ABCA9: variants seen among roughly 807,000 people sequenced by gnomAD.
The protein encoded by ABCA9 is ATP binding cassette subfamily A member 9.
ABCA9 carries 183 observed loss-of-function variants against 205.3 expected under a neutral mutation model. That is an observed-to-expected ratio of 0.89 (90% CI 0.79 to 1.01). The LOEUF is 1.01. ABCA9 is among the 50% of genes least tolerant of loss of function. ABCA9 has a pLI of 0.00. For missense variants in ABCA9, 1,805 were observed against 1,912.4 expected (o/e 0.94, Z 1.05); for synonymous variants, 651 against 683.3 (o/e 0.95, Z 0.74).
Position 68,984,962 on chromosome 17 carries a change from G to T in ABCA9, c.4302C>A (p.Ser1434Arg), listed in dbSNP as rs2069180373. The T allele has an allele frequency of 6.2e-7, 1 of 1,614,058 alleles. No individual in the cohort carries two copies. Among genetic ancestry groups the T allele is most frequent in the Admixed American group, 1.7e-5 (1 of 60,008 alleles). The change falls in exon 34 of 39, where the codon AGC (serine) becomes AGA (arginine). Residue 1434 changes from serine to arginine, a missense_variant. By Grantham distance (110) the Ser-to-Arg change is moderately radical. Transcript: ENST00000340001. ...GCACCACTGACGGGTTCCCCAGGATGCTCAGCACAAAGCACAGCTGCAACG... is the reference window on the plus strand; with the variant it reads ...GCACCACTGACGGGTTCCCCAGGATTCTCAGCACAAAGCACAGCTGCAACG... Reference protein sequence around the residue: ...GIKRKLCFVLSILGNPSVVLL... With the variant: ...GIKRKLCFVLRILGNPSVVLL...
intron 19 of ABCA9, 61 bp downstream of exon 19, chr17:69,020,327 G>T (rs1361078697): frequency 1.4e-6 from 2 of 1,441,014 alleles, no homozygotes; most frequent in South Asian, 1.3e-5. Flanking sequence ...TTTATGTTTT[G>T]CTCTCTTAAA....
chr17:68,989,893 T>A lies in ABCA9; in HGVS notation c.3875A>T (p.Tyr1292Phe). ...VIIASCLRKEYAGKKKNCFSK... is the reference protein window; with the variant it reads ...VIIASCLRKEFAGKKKNCFSK... ...AAAGCAATTTTTCTTTTTGCCTGCA[T>A]ATTCCTTCCGTAGACAGCTGGCAAT... The change falls in exon 30 of 39, where the codon TAT becomes TTT. Residue 1292 changes from tyrosine to phenylalanine, a missense_variant. Tyr to Phe is a conservative substitution (Grantham distance 22). Transcript: ENST00000340001. 1 of 1,613,388 alleles carries A rather than the reference T, an allele frequency of 6.2e-7. No homozygotes were observed. Among genetic ancestry groups the A allele is most frequent in the Non-Finnish European group, 8.5e-7 (1 of 1,179,566 alleles).
At chr17:69,018,212 G>T (rs2070695564) in intron 20 of ABCA9, 1 of 482,510 alleles carries the variant, frequency 2.1e-6, no homozygotes, top group Admixed American at 4.1e-5. Context: ...AAACATTAAG[G>T]TTAAGTAAAC....
At chr17:68,993,515 G>A (rs1239463470) in intron 26 of ABCA9, among the ~76,000 whole-genome samples, 1 of 152,168 alleles carries the variant, frequency 6.6e-6, no homozygotes, top group African/African-American at 2.4e-5. Flanking sequence ...GAGTAATTAT[G>A]ACAATCTTTT....
chr17:69,065,659 A>G (rs1466515461), upstream of ABCA9, among the ~76,000 whole-genome samples: 3 of 152,244 alleles, frequency 2.0e-5, no homozygotes, highest in Non-Finnish European at 2.9e-5. Context: ...GGTGACTACA[A>G]CTATCTGCTC....
intron 29 of ABCA9, 108 bp from the exon 30 acceptor site, chr17:68,990,038 C>G: frequency 1.3e-6 from 1 of 768,082 alleles, no homozygotes; most frequent in Non-Finnish European, 2.2e-6. Flanking sequence ...ATGAATCAAA[C>G]CACTTCTTCC....
chr17:69,059,424 G>A (rs547153098), intron 1 of ABCA9, among the ~76,000 whole-genome samples: 1 of 152,166 alleles, frequency 6.6e-6, no homozygotes, highest in African/African-American at 2.4e-5. Flanking sequence ...TGAGGCAGTA[G>A]AAGAAGGGTT....
Position 68,992,193 on chromosome 17 carries a change from C to T in ABCA9, c.3698G>A (p.Arg1233Lys). ...TCTCAACCTGAACACAGGATCCTTT[C>T]TCATTAGTTTCTTCCTGCAGTTCAT... ...LEMNCRKKLM[R>K]KDPVFRISPR... Residue 1233 changes from arginine to lysine, a missense_variant, in exon 28 of 39, where the codon AGA becomes AAA. Physicochemically the swap from Arg to Lys is conservative, Grantham distance 26. Transcript: ENST00000340001. 6.3e-7 allele frequency: 1 copy of T among 1,593,668 alleles called. No homozygotes were observed. Among genetic ancestry groups the T allele is most frequent in the Non-Finnish European group, 8.6e-7 (1 of 1,169,222 alleles).
chr17:69,067,396 A>C, the ABCA9 span, among the ~76,000 whole-genome samples: 1 of 152,030 alleles, frequency 6.6e-6, no homozygotes, highest in South Asian at 2.1e-4. Context: ...AAATACCAAA[A>C]AATCAGCCAG....
At chr17:69,046,740 T>A (rs1322710401) in intron 3 of ABCA9, among the ~76,000 whole-genome samples, 6 of 151,310 alleles carry the variant, frequency 4.0e-5, no homozygotes, top group Non-Finnish European at 7.4e-5. Flanking sequence ...TATTTTGGGT[T>A]TCAATTTCTT....
intron 17 of ABCA9, 107 bp downstream of exon 17, chr17:69,024,107 T>G: frequency 8.2e-7 from 1 of 1,214,258 alleles, no homozygotes; most frequent in Non-Finnish European, 1.2e-6. Context: ...GTAAACGCAT[T>G]GTGCCATTCA....
chr17:68,989,249 C>CTT, intron 30 of ABCA9, 131 bp from the exon 31 acceptor site: 1 of 441,764 alleles, frequency 2.3e-6, no homozygotes, highest in Non-Finnish European at 4.1e-6. Flanking sequence ...ATTCCTCTCT[C>CTT]TCTCTCTCAC....
chr17:69,051,044 C>G lies in ABCA9; in HGVS notation c.83G>C (p.Arg28Thr). The change falls in exon 2 of 39, where the codon AGA becomes ACA. Residue 28 changes from arginine to threonine, a missense_variant. Coordinates refer to ENST00000340001, the MANE Select transcript of ABCA9 (RefSeq NM_080283.4). ...TCTGAAGCATACCAACAAGGTCTGT[C>G]TTTTCATTCTCCATTTTTTGAGACA... ...KNCLKKWRMK[R>T]QTLLEWLFSF... The G allele has an allele frequency of 6.2e-7, 1 of 1,613,592 alleles. No homozygotes were observed. The highest frequency in any genetic ancestry group is 8.5e-7 in the Non-Finnish European group (1 of 1,179,752).
At position 69,032,197 on chromosome 17, in the gene ABCA9, C is replaced by T. The variant is rs368080110; in HGVS notation, c.1356G>A (p.Val452=). 143 of 1,613,738 alleles carry T rather than the reference C, an allele frequency of 8.9e-5. No individual in the cohort carries two copies. The highest frequency in any genetic ancestry group is 1.2e-4 in the Non-Finnish European group (140 of 1,179,858). ...FWFQHGRANH[V]VLENETDSDP... ...CAGAATCTGTTTCATTCTCAAGGAC[C>T]ACATGATTAGCCCTTCCGTGTTGAA... The change falls in exon 10 of 39, where the codon GTG becomes GTA. Residue 452 remains valine (V), a synonymous_variant. Transcript: ENST00000340001.
intron 16 of ABCA9, 57 bp from the exon 17 acceptor site, chr17:69,024,410 T>A (rs1368711041): frequency 4.8e-6 from 7 of 1,452,286 alleles, no homozygotes; most frequent in Non-Finnish European, 6.4e-6. Context: ...TAAAACAATT[T>A]CCTAATTATG....
rs542241738 is a variant in ABCA9, at chr17:69,012,355, T to C, written c.3040-272A>G. The C allele has an allele frequency of 1.2e-3, 363 of 307,392 alleles. 2 individuals are homozygous for C. The highest frequency in any genetic ancestry group is 7.2e-3 in the African/African-American group (337 of 46,528). 19.0% of individuals were successfully genotyped at this position (307,392 alleles called of 1,614,324 possible). ...GTCATACAGTTAATAACTTGTAAGG[T>C]AGGCATGAAACGTCTTTTCTCTGAC... On this transcript the variant is annotated intron_variant, in intron 22 of 38. Transcript: ENST00000340001.
intron 34 of ABCA9, among the ~76,000 whole-genome samples, chr17:68,984,443 A>C (rs1283601310): frequency 6.6e-6 from 1 of 152,206 alleles, no homozygotes; most frequent in Non-Finnish European, 1.5e-5. Flanking sequence ...GGAACAAAGA[A>C]AATTAGGAGA....
intron 29 of ABCA9, among the ~76,000 whole-genome samples, chr17:68,990,601 G>A (rs2069415421): frequency 6.6e-6 from 1 of 152,044 alleles, no homozygotes; most frequent in South Asian, 2.1e-4. Context: ...GCCCAGGCTG[G>A]TCTCAAACAC....
chr17:69,027,103 C>T lies in ABCA9; in HGVS notation c.1923G>A (p.Leu641=). ...AILGDPQVLL[L]DEPTAGLDPL... ...GATCCAATCCAGCAGTCGGTTCATC[C>T]AATAGCAAAACCTGGACAGGAGGAA... is the stretch of plus-strand genomic sequence containing the variant. Residue 641 remains leucine (L), a synonymous_variant, in exon 15 of 39, where the codon TTG becomes TTA. Coordinates refer to ENST00000340001, the MANE Select transcript of ABCA9 (RefSeq NM_080283.4). 6.2e-7 allele frequency: 1 copy of T among 1,613,964 alleles called. No homozygotes were observed. Among genetic ancestry groups the T allele is most frequent in the South Asian group, 1.1e-5 (1 of 91,064 alleles).
Sources: allele counts gnomAD v4.1 joint callset (sites outside exome capture counted in the v4.1 genomes callset), GRCh38; gene constraint gnomAD v4.1.1; transcripts MANE v1.5; gene names NCBI Gene and HGNC (gene_info 2026-07-23, HGNC 2026-07-21).